SDC2: variants seen among roughly 807,000 people sequenced by gnomAD.
SDC2 encodes syndecan 2, also known as syndecan-2.
Under a neutral mutation model 22.2 loss-of-function variants are expected in SDC2, and 13 were observed. The ratio of observed to expected loss-of-function variants is 0.59; its 90% CI spans 0.38 to 0.93. The LOEUF (loss-of-function observed/expected upper bound fraction) is 0.93. SDC2 is among the 40% of genes least tolerant of loss of function. The pLI is 0.00. For missense variants in SDC2, 235 were observed against 246.8 expected, an observed-to-expected ratio of 0.95 and a Z score of 0.32; for synonymous variants, 94 against 92.8, an observed-to-expected ratio of 1.01 and a Z score of -0.07.
intron 1 of SDC2, among the ~76,000 whole-genome samples, chr8:96,553,807 C>T (rs573734040): frequency 6.6e-6 from 1 of 151,858 alleles, no homozygotes; most frequent in Non-Finnish European, 1.5e-5. Context: ...GATCTCACTC[C>T]AGTTGCCCAG....
At chr8:96,503,872 A>T (rs1164392853) in intron 1 of SDC2, among the ~76,000 whole-genome samples, 2 of 152,244 alleles carry the variant, frequency 1.3e-5, no homozygotes, top group Non-Finnish European at 2.9e-5. Context: ...GCATCACTCT[A>T]TGTCAAAACC....
intron 2 of SDC2, among the ~76,000 whole-genome samples, chr8:96,597,495 C>G (rs755827750): frequency 1.2e-4 from 19 of 152,194 alleles, no homozygotes; most frequent in Admixed American, 2.0e-4. Flanking sequence ...TATAAACAGG[C>G]AACCAAGGCT....
At chr8:96,599,980 C>T (rs1282015261) in intron 2 of SDC2, among the ~76,000 whole-genome samples, 1 of 151,844 alleles carries the variant, frequency 6.6e-6, no homozygotes, top group Non-Finnish European at 1.5e-5. Context: ...GTCTCAACAA[C>T]AAAAAATAAT....
chr8:96,518,361 G>GTTT (rs35449864), intron 1 of SDC2, among the ~76,000 whole-genome samples: 8 of 125,210 alleles, frequency 6.4e-5, no homozygotes, highest in African/African-American at 2.4e-4. Context: ...ACCTTGAGAG[G>GTTT]TTTTTTTTTT....
At chr8:96,556,638 G>A (rs1194311440) in intron 1 of SDC2, among the ~76,000 whole-genome samples, 1 of 151,944 alleles carries the variant, frequency 6.6e-6, no homozygotes, top group Admixed American at 6.6e-5. Flanking sequence ...ATGGATTAAA[G>A]ACTTAAACGT....
chr8:96,557,753 G>T (rs112734049), intron 1 of SDC2, among the ~76,000 whole-genome samples: 187 of 151,992 alleles, frequency 1.2e-3, no homozygotes, highest in African/African-American at 4.3e-3. Context: ...TATGCACATG[G>T]ACCCTAAAAC....
At chr8:96,534,090 C>T (rs1395528896) in intron 1 of SDC2, among the ~76,000 whole-genome samples, 1 of 152,232 alleles carries the variant, frequency 6.6e-6, no homozygotes, top group Non-Finnish European at 1.5e-5. Flanking sequence ...GCGGTGCCCA[C>T]TGGCCGCTCA....
At chr8:96,575,067 G>C (rs1814463923) in intron 1 of SDC2, among the ~76,000 whole-genome samples, 1 of 152,174 alleles carries the variant, frequency 6.6e-6, no homozygotes, top group African/African-American at 2.4e-5. Context: ...AGGTGGTAAT[G>C]CTCACTGGCG....
chr8:96,608,722 A>G (rs1815126621), intron 4 of SDC2, among the ~76,000 whole-genome samples: 1 of 152,262 alleles, frequency 6.6e-6, no homozygotes, highest in South Asian at 2.1e-4. Context: ...GAAAGTTAAC[A>G]TCTGAATTGA....
intron 4 of SDC2, 69 bp from the exon 5 acceptor site, chr8:96,609,316 T>C (rs1435198497): frequency 7.7e-7 from 1 of 1,301,094 alleles, no homozygotes; most frequent in African/African-American, 1.5e-5. Context: ...TAGATTAGGC[T>C]TGACAATAAA....
At chr8:96,596,863 G>A (rs984947150) in intron 2 of SDC2, among the ~76,000 whole-genome samples, 4 of 152,188 alleles carry the variant, frequency 2.6e-5, no homozygotes, top group Admixed American at 1.3e-4. Flanking sequence ...TCAGAAGGCC[G>A]AGTTAGTTCG....
Position 96,609,711 on chromosome 8 carries a change from AG to A in SDC2, c.*164del, listed in dbSNP as rs1226207726. ...TTTAAAACATTTCATGTATTTCTTT[AG>A]AACAACATAAAATTAAAATTTAACA... On this transcript the variant is annotated 3_prime_UTR_variant, in exon 5 of 5. Transcript: ENST00000302190. 14 of 477,842 alleles carry A rather than the reference AG, an allele frequency of 2.9e-5. No homozygotes were observed. Among genetic ancestry groups the A allele is most frequent in the Non-Finnish European group, 4.9e-5 (14 of 286,266 alleles). 29.6% of individuals were successfully genotyped at this position (477,842 alleles called of 1,614,324 possible).
intron 2 of SDC2, among the ~76,000 whole-genome samples, chr8:96,599,607 A>G (rs1266778244): frequency 6.6e-6 from 1 of 152,148 alleles, no homozygotes; most frequent in Non-Finnish European, 1.5e-5. Context: ...TGTATCTGTG[A>G]TATATATGTA....
chr8:96,511,481 T>C (rs2130441355), intron 1 of SDC2, among the ~76,000 whole-genome samples: 1 of 152,342 alleles, frequency 6.6e-6, no homozygotes, highest in Non-Finnish European at 1.5e-5. Context: ...CACTGATTTA[T>C]AGAAATAGTG....
At chr8:96,521,427 A>G (rs1813495818) in intron 1 of SDC2, among the ~76,000 whole-genome samples, 1 of 152,172 alleles carries the variant, frequency 6.6e-6, no homozygotes, top group South Asian at 2.1e-4. Flanking sequence ...TGCTCTGAAA[A>G]CAAGGAAGGA....
In SDC2 at chr8:96,540,325, C is replaced by T. The variant is rs181512885; in HGVS notation, c.60+45994C>T. ...TGGGCAACATAGCAAAACCCTGTCT[C>T]TACTATATATATGTGTATATATATA... On this transcript the variant is annotated intron_variant, in intron 1 of 4. Coordinates refer to ENST00000302190, the MANE Select transcript of SDC2 (RefSeq NM_002998.4). Among the ~76,000 whole-genome samples the T allele has an allele frequency of 5.4e-3, 355 of 65,404 alleles. 2 individuals carry two copies. Among genetic ancestry groups the T allele is most frequent in the African/African-American group, 0.013 (341 of 25,570 alleles). The allele number at this position is 65,404 out of a possible 152,430, so 42.9% of individuals were successfully genotyped here. A position where few individuals can be genotyped will look rare whatever the true frequency, so the allele number is the denominator to read the frequency against.
At chr8:96,519,050 C>T (rs1332532275) in intron 1 of SDC2, among the ~76,000 whole-genome samples, 2 of 152,286 alleles carry the variant, frequency 1.3e-5, no homozygotes, top group Non-Finnish European at 2.9e-5. Flanking sequence ...TCCAGACACT[C>T]CCACTACAGA....
At chr8:96,503,780 G>A (rs1467710604) in intron 1 of SDC2, among the ~76,000 whole-genome samples, 2 of 152,160 alleles carry the variant, frequency 1.3e-5, no homozygotes, top group East Asian at 1.9e-4. Flanking sequence ...GTTTAAGTAA[G>A]TTCTGCTGAT....
chr8:96,581,921 C>G (rs567239292), intron 1 of SDC2, among the ~76,000 whole-genome samples: 7 of 152,308 alleles, frequency 4.6e-5, no homozygotes, highest in African/African-American at 1.4e-4. Flanking sequence ...TACAGCACTT[C>G]AGCACACCAA....
Sources: gnomAD v4.1 joint callset for allele counts (sites outside exome capture counted in the v4.1 genomes callset) on GRCh38, gnomAD v4.1.1 for gene constraint, MANE v1.5 for transcripts, NCBI Gene and HGNC (gene_info 2026-07-23, HGNC 2026-07-21) for gene names.